Variants in PPP4R3B observed in about 807,000 individuals in gnomAD.
The protein encoded by PPP4R3B is serine/threonine-protein phosphatase 4 regulatory subunit 3B.
PPP4R3B carries 52 observed loss-of-function variants against 95.4 expected under a neutral mutation model. The ratio of observed to expected loss-of-function variants is 0.54; its 90% confidence interval spans 0.44 to 0.69. The LOEUF is 0.69. PPP4R3B is among the 30% of genes least tolerant of loss of function. PPP4R3B has a pLI of 0.00. For missense variants in PPP4R3B, 1,003 were observed against 1,005.9 expected (o/e 1.00, Z 0.04); for synonymous variants, 407 against 343.9 (o/e 1.18, Z -2.03).
rs1233974725 is a variant in PPP4R3B, at chr2:55,548,984, T to C, written c.*927A>G. The stretch of plus-strand genomic sequence containing the variant: ...TAGCTTCTTGGATCAAAATGGCTTC[T>C]AGATACTAAATGCCACTTAATTCAG... On this transcript the variant is annotated 3_prime_UTR_variant, in exon 17 of 17. Coordinates refer to ENST00000616407, the MANE Select transcript of PPP4R3B (RefSeq NM_001122964.3). The C allele has an allele frequency of 3.3e-5, 5 of 152,638 alleles. No individual in the cohort carries two copies. Among genetic ancestry groups the C allele is most frequent in the African/African-American group, 2.4e-5 (1 of 41,460 alleles). The allele number at this position is 152,638 out of a possible 1,614,324, so 9.5% of individuals were successfully genotyped here.
At chr2:55,585,030 A>C in intron 7 of PPP4R3B, 21 bp downstream of exon 7, 4 of 1,552,374 alleles carry the variant, frequency 2.6e-6, no homozygotes, top group Non-Finnish European at 3.5e-6. Context: ...ATTCACATAG[A>C]ACCACAGCAT....
At chr2:55,587,546 T>C (rs1690314484) in intron 5 of PPP4R3B, among the ~76,000 whole-genome samples, 1 of 152,224 alleles carries the variant, frequency 6.6e-6, no homozygotes, top group Non-Finnish European at 1.5e-5. Flanking sequence ...ATCATGCCAC[T>C]GCACTCCAGT....
rs1353285798 is a variant in PPP4R3B, at chr2:55,586,514, A to G, written c.1116+104T>C. ...TTCTTGTAATTCAATTAAGATAGCTAAACTATAGAATTGAATATACATTAT... is the reference window on the plus strand; with the variant it reads ...TTCTTGTAATTCAATTAAGATAGCTGAACTATAGAATTGAATATACATTAT... On this transcript the variant is annotated intron_variant, in intron 6 of 16. Transcript: ENST00000616407. 1.3e-5 allele frequency: 8 copies of G among 619,784 alleles called. No individual in the cohort carries two copies. In the East Asian group the frequency reaches 2.4e-4, roughly 18 times the overall value. The allele number at this position is 619,784 out of a possible 1,614,324, so 38.4% of individuals were successfully genotyped here. A position where few individuals can be genotyped will look rare whatever the true frequency, so the allele number is the denominator to read the frequency against.
chr2:55,576,191 A>G (rs1166567131), intron 11 of PPP4R3B, among the ~76,000 whole-genome samples: 3 of 152,092 alleles, frequency 2.0e-5, no homozygotes, highest in Non-Finnish European at 4.4e-5. Flanking sequence ...TAATAAAAAT[A>G]CAAAAAAATT....
At chr2:55,559,697 C>T (rs1035021069) in intron 15 of PPP4R3B, among the ~76,000 whole-genome samples, 2 of 152,144 alleles carry the variant, frequency 1.3e-5, no homozygotes, top group Non-Finnish European at 2.9e-5. Context: ...TGAGGCCTCC[C>T]CAGCTATGTG....
At chr2:55,552,658 C>G (rs549689363) in intron 16 of PPP4R3B, among the ~76,000 whole-genome samples, 101 of 152,262 alleles carry the variant, frequency 6.6e-4, no homozygotes, top group African/African-American at 2.3e-3. Context: ...ACTCCCAAAG[C>G]CGAGCCACCA....
chr2:55,571,856 T>C (rs1362834379), intron 12 of PPP4R3B, among the ~76,000 whole-genome samples: 1 of 152,176 alleles, frequency 6.6e-6, no homozygotes, highest in Non-Finnish European at 1.5e-5. Flanking sequence ...TGACCTCAGG[T>C]GATCCACCCG....
intron 16 of PPP4R3B, among the ~76,000 whole-genome samples, chr2:55,554,546 G>A (rs900279626): frequency 6.6e-6 from 1 of 152,160 alleles, no homozygotes; most frequent in Non-Finnish European, 1.5e-5. Flanking sequence ...GGCCACTTGT[G>A]TATCTTCTTT....
intron 3 of PPP4R3B, among the ~76,000 whole-genome samples, chr2:55,603,640 T>C (rs374677918): frequency 6.6e-6 from 1 of 152,206 alleles, no homozygotes; most frequent in Non-Finnish European, 1.5e-5. Flanking sequence ...TAGGCAAACA[T>C]ATGACCAAAT....
intron 2 of PPP4R3B, chr2:55,614,500 A>T (rs1399755760): frequency 6.6e-6 from 1 of 152,202 alleles, no homozygotes; most frequent in Non-Finnish European, 1.5e-5. Context: ...TACATGTAAG[A>T]GTATGACATC....
chr2:55,579,637 T>C lies in PPP4R3B; in HGVS notation c.1468+42A>G, dbSNP rs770139902. 2.2e-6 allele frequency: 3 copies of C among 1,374,108 alleles called. No individual in the cohort carries two copies. In the East Asian group the frequency reaches 7.4e-5, roughly 34 times the overall value. 85.1% of individuals were successfully genotyped at this position (1,374,108 alleles called of 1,614,324 possible). A position where few individuals can be genotyped will look rare whatever the true frequency, so the allele number is the denominator to read the frequency against. On this transcript the variant is annotated intron_variant, in intron 9 of 16. Transcript: ENST00000616407. The stretch of plus-strand genomic sequence containing the variant: ...TAGTTTAATATTTATCTCATCCTTC[T>C]TTAAAAACAGAAATCACAGCAGATA...
intron 15 of PPP4R3B, among the ~76,000 whole-genome samples, chr2:55,562,066 C>G (rs1000654113): frequency 2.0e-5 from 3 of 152,114 alleles, no homozygotes; most frequent in Non-Finnish European, 4.4e-5. Context: ...ATCATGGAGG[C>G]AGAAAACCCC....
intron 12 of PPP4R3B, among the ~76,000 whole-genome samples, chr2:55,570,260 C>G (rs776476523): frequency 2.6e-5 from 4 of 152,134 alleles, no homozygotes; most frequent in Non-Finnish European, 5.9e-5. Context: ...AAAAAACAAA[C>G]AATTTGTGAA....
At chr2:55,572,017 A>T (rs983091930) in intron 12 of PPP4R3B, among the ~76,000 whole-genome samples, 1 of 152,266 alleles carries the variant, frequency 6.6e-6, no homozygotes, top group Non-Finnish European at 1.5e-5. Context: ...TGGTATTTCA[A>T]TTCAGAAGGA....
At chr2:55,611,859 G>C (rs1412745951) in intron 2 of PPP4R3B, among the ~76,000 whole-genome samples, 1 of 152,036 alleles carries the variant, frequency 6.6e-6, no homozygotes, top group Non-Finnish European at 1.5e-5. Context: ...TCCAGAAGTA[G>C]CTGGCACTAT....
chr2:55,572,700 T>C (rs531610661), intron 12 of PPP4R3B, among the ~76,000 whole-genome samples: 4 of 152,302 alleles, frequency 2.6e-5, no homozygotes, highest in East Asian at 1.9e-4. Flanking sequence ...AATCCCATTA[T>C]TGAGAATCTA....
intron 12 of PPP4R3B, among the ~76,000 whole-genome samples, chr2:55,571,837 T>C (rs1688041436): frequency 6.6e-6 from 1 of 152,212 alleles, no homozygotes; most frequent in South Asian, 2.1e-4. Context: ...CAGGCTGCTC[T>C]CGAACTCCTG....
At chr2:55,562,545 C>T (rs76296617) in intron 15 of PPP4R3B, among the ~76,000 whole-genome samples, 3,851 of 152,246 alleles carry the variant, frequency 0.025, 164 homozygotes, top group African/African-American at 0.088. Flanking sequence ...GTAAGGTTCT[C>T]GAAGCCTTTC....
rs560840620 is a variant in PPP4R3B, at chr2:55,565,287, T to A, written c.1936-246A>T. Among the ~76,000 whole-genome samples, 8 of 147,282 alleles carry A rather than the reference T, an allele frequency of 5.4e-5. No homozygotes were observed. The South Asian group carries it at 8.8e-4, about 16-fold the overall frequency. On this transcript the variant is annotated intron_variant, in intron 13 of 16. Transcript: ENST00000616407. ...AAGAGCATTCGAAAAGTAAATAGATTTATTTTACATCTTCTATTTTTTGTA... is the reference window on the plus strand; with the variant it reads ...AAGAGCATTCGAAAAGTAAATAGATATATTTTACATCTTCTATTTTTTGTA...
Sources: allele counts gnomAD v4.1 joint callset (sites outside exome capture counted in the v4.1 genomes callset), GRCh38; gene constraint gnomAD v4.1.1; transcripts MANE v1.5; gene names NCBI Gene and HGNC (gene_info 2026-07-23, HGNC 2026-07-21).